The following KCNMA1 variants were observed in gnomAD, a reference collection of about 807,000 sequenced individuals.
The protein encoded by KCNMA1 is Calcium-activated potassium channel subunit alpha-1.
A neutral mutation model predicts 140.0 loss-of-function variants in KCNMA1; 29 were observed. The observed-to-expected ratio is 0.21, with a 90% CI of 0.15 to 0.28. The LOEUF (loss-of-function observed/expected upper bound fraction) is 0.28, where lower values mean the gene tolerates loss of function less well. Among genes scored for constraint, KCNMA1 ranks in the 10% least tolerant of loss-of-function variants. The probability of loss-of-function intolerance (pLI) is 1.00; values close to 1 mark genes in which losing one functional copy is unlikely to be tolerated. For synonymous variants in KCNMA1, 612 were observed against 611.9 expected (o/e 1.00, Z 0.00); for missense variants, 880 against 1,602.2 (o/e 0.55, Z 7.70).
intron 1 of KCNMA1, 32 bp downstream of exon 1, chr10:77,637,233 C>A: frequency 1.3e-6 from 2 of 1,563,752 alleles, no homozygotes; most frequent in Non-Finnish European, 1.7e-6. Context: ...GTGGGGCTGG[C>A]GCAGAGGGCG....
intron 5 of KCNMA1, among the ~76,000 whole-genome samples, chr10:77,167,689 C>CT (rs1317329908): frequency 3.9e-4 from 57 of 145,388 alleles, no homozygotes; most frequent in East Asian, 9.9e-4. Context: ...TTCTTTCTTT[C>CT]TTTTTTTTTT....
Position 76,922,691 on chromosome 10 carries a change from G to C in KCNMA1, c.2903-7642C>G, listed in dbSNP as rs1338258618. ...CAGGGCAAATGAACCAAGAGGTGGA[G>C]AGAATGAGATAGAGCTCTGTCATTG... On this transcript the variant is annotated intron_variant, in intron 23 of 27. Coordinates refer to ENST00000286628, the MANE Select transcript of KCNMA1 (RefSeq NM_001161352.2). 8.5e-5 allele frequency among the ~76,000 whole-genome samples: 13 copies of C among 152,230 alleles called. No individual in the cohort carries two copies. In the East Asian group the frequency reaches 2.1e-3, roughly 25 times the overall value.
chr10:76,962,690 T>C (rs2072154678), intron 20 of KCNMA1, among the ~76,000 whole-genome samples: 1 of 152,226 alleles, frequency 6.6e-6, no homozygotes, highest in African/African-American at 2.4e-5. Flanking sequence ...TTTCCATGTC[T>C]GTTTTATCCA....
chr10:76,985,928 A>G (rs2081145059), intron 19 of KCNMA1, among the ~76,000 whole-genome samples: 1 of 152,252 alleles, frequency 6.6e-6, no homozygotes, highest in South Asian at 2.1e-4. Context: ...AAAAAAATAA[A>G]ATAAAAAAGT....
intron 20 of KCNMA1, among the ~76,000 whole-genome samples, chr10:76,965,529 C>T (rs1414453334): frequency 1.3e-5 from 2 of 152,154 alleles, no homozygotes; most frequent in African/African-American, 4.8e-5. Flanking sequence ...CAGGGGTTCC[C>T]TAATGCCTAT....
intron 25 of KCNMA1, among the ~76,000 whole-genome samples, chr10:76,899,649 T>C (rs2044192998): frequency 6.6e-6 from 1 of 152,174 alleles, no homozygotes; most frequent in South Asian, 2.1e-4. Flanking sequence ...CATCTGGCTC[T>C]TTACAAGACA....
At chr10:77,043,880 C>T (rs1460566863) in intron 14 of KCNMA1, among the ~76,000 whole-genome samples, 2 of 152,022 alleles carry the variant, frequency 1.3e-5, no homozygotes, top group East Asian at 1.9e-4. Context: ...AGACAGTGTC[C>T]GTTTTGCAAG....
chr10:77,417,848 G>T (rs950997765), intron 1 of KCNMA1, among the ~76,000 whole-genome samples: 2 of 152,172 alleles, frequency 1.3e-5, no homozygotes, highest in African/African-American at 2.4e-5. Context: ...GAAACCAAGG[G>T]CTAGCAAGAC....
At chr10:77,310,037 T>C (rs891540976) in intron 2 of KCNMA1, among the ~76,000 whole-genome samples, 4 of 152,126 alleles carry the variant, frequency 2.6e-5, no homozygotes, top group Non-Finnish European at 4.4e-5. Context: ...TGAGGCAGAA[T>C]TTGAGTTGGA....
chr10:77,442,575 G>A (rs773549628), intron 1 of KCNMA1, among the ~76,000 whole-genome samples: 3 of 152,074 alleles, frequency 2.0e-5, no homozygotes, highest in Non-Finnish European at 2.9e-5. Context: ...CCTGTACAAT[G>A]GGCACAATAA....
chr10:77,073,087 G>T lies in KCNMA1; in HGVS notation c.1749+10C>A. On this transcript the variant is annotated intron_variant, in intron 14 of 27. Transcript: ENST00000286628. ...CCGAGCTAATGTGCTCTAATAAGAC[G>T]AGACGTTACCTTTATGAATGACCTC... 1 of 1,613,502 alleles carries T rather than the reference G, an allele frequency of 6.2e-7. No homozygotes were observed. The highest frequency in any genetic ancestry group is 1.1e-5 in the South Asian group (1 of 91,048).
rs569180237 is a variant in KCNMA1, at chr10:77,018,954, G to A, written c.2015+59C>T. On this transcript the variant is annotated intron_variant, in intron 17 of 27. Transcript: ENST00000286628. ...GGGTTATGGAAGCCTGCCTACTTCC[G>A]TGGGTCAAGGTGTCTACAGCCGGGC... 42 of 929,130 alleles carry A rather than the reference G, an allele frequency of 4.5e-5. 1 individual carries two copies. The highest frequency in any genetic ancestry group is 2.1e-4 in the African/African-American group (13 of 61,824). 57.6% of individuals were successfully genotyped at this position (929,130 alleles called of 1,614,324 possible).
At chr10:77,418,124 T>C (rs1316902700) in intron 1 of KCNMA1, among the ~76,000 whole-genome samples, 1 of 152,082 alleles carries the variant, frequency 6.6e-6, no homozygotes, top group Non-Finnish European at 1.5e-5. Flanking sequence ...GAGCAGTTGC[T>C]AATGTGAAAT....
At chr10:77,110,398 C>T in intron 7 of KCNMA1, 55 bp from the exon 8 acceptor site, 1 of 1,483,564 alleles carries the variant, frequency 6.7e-7, no homozygotes, top group Non-Finnish European at 9.4e-7. Context: ...GAAGTGTATA[C>T]ATGCAATAAA....
intron 14 of KCNMA1, among the ~76,000 whole-genome samples, chr10:77,068,370 C>A (rs1436840713): frequency 1.3e-5 from 2 of 151,922 alleles, no homozygotes; most frequent in South Asian, 2.1e-4. Context: ...TAAACATAAC[C>A]CAGACTAAAA....
At chr10:77,338,879 T>A (rs1273256986) in intron 2 of KCNMA1, among the ~76,000 whole-genome samples, 1 of 152,210 alleles carries the variant, frequency 6.6e-6, no homozygotes, top group Non-Finnish European at 1.5e-5. Context: ...TGTAAGACTC[T>A]TCTCAATTCC....
At chr10:77,415,694 C>G (rs1220895371) in intron 1 of KCNMA1, among the ~76,000 whole-genome samples, 5 of 152,230 alleles carry the variant, frequency 3.3e-5, no homozygotes, top group Admixed American at 3.3e-4. Context: ...GAGGATCCAG[C>G]CCCCAAGGAG....
chr10:77,281,789 A>G (rs565773600), intron 2 of KCNMA1, among the ~76,000 whole-genome samples: 130 of 152,368 alleles, frequency 8.5e-4, no homozygotes, highest in African/African-American at 3.1e-3. Flanking sequence ...CCAGACATAA[A>G]GGATTACATA....
intron 8 of KCNMA1, 87 bp downstream of exon 8, chr10:77,110,086 G>A (rs2097286913): frequency 8.4e-7 from 1 of 1,190,590 alleles, no homozygotes; most frequent in African/African-American, 1.5e-5. Context: ...GCAGAATACA[G>A]TCTAAAATAC....
Sources: allele counts gnomAD v4.1 joint callset (sites outside exome capture counted in the v4.1 genomes callset), GRCh38; gene constraint gnomAD v4.1.1; transcripts MANE v1.5; gene names NCBI Gene and HGNC (gene_info 2026-07-23, HGNC 2026-07-21).